NHSL1: variants seen among roughly 807,000 people sequenced by gnomAD.
The protein encoded by NHSL1 is NHS like 1.
A neutral mutation model predicts 95.0 loss-of-function variants in NHSL1; 48 were observed. That is an observed-to-expected ratio of 0.51 (90% CI 0.40 to 0.64). The LOEUF is 0.64. Ranked by LOEUF, NHSL1 falls within the 30% of genes least tolerant of loss-of-function variation. The pLI is 0.00. For missense variants in NHSL1, 1,971 were observed against 2,077.7 expected (o/e 0.95, Z 1.00); for synonymous variants, 783 against 833.9 (o/e 0.94, Z 1.05).
intron 1 of NHSL1, among the ~76,000 whole-genome samples, chr6:138,530,974 TA>T (rs975142715): frequency 1.8e-4 from 28 of 151,710 alleles, no homozygotes; most frequent in African/African-American, 6.1e-4. Context: ...AAATTTAAAA[TA>T]TTTTTTTTTT....
At chr6:138,517,739 C>T (rs540510402) in intron 1 of NHSL1, among the ~76,000 whole-genome samples, 3 of 152,346 alleles carry the variant, frequency 2.0e-5, no homozygotes, top group African/African-American at 7.2e-5. Context: ...TGAAACACTG[C>T]TGCTGTTGCC....
chr6:138,686,207 T>G (rs1394687886), intron 1 of NHSL1, among the ~76,000 whole-genome samples: 1 of 152,154 alleles, frequency 6.6e-6, no homozygotes, highest in African/African-American at 2.4e-5. Context: ...ATTAGCTTGA[T>G]TAACCCATGC....
At chr6:138,516,481 T>C (rs1232386118) in intron 1 of NHSL1, among the ~76,000 whole-genome samples, 1 of 152,164 alleles carries the variant, frequency 6.6e-6, no homozygotes, top group Non-Finnish European at 1.5e-5. Flanking sequence ...AAAGTGGGGT[T>C]TGTGGCAATG....
rs191087651 is a variant in NHSL1, at chr6:138,517,568, A to C, written c.17-21197T>G. ...GACAGCCAGTGCCTTGTTAAAGCAG[A>C]TATGAAAGCAATGTCTGAGCACTTA... On this transcript the variant is annotated intron_variant, in intron 1 of 4. Coordinates refer to the NHSL1 transcript ENST00000342260. 7.8e-4 allele frequency among the ~76,000 whole-genome samples: 119 copies of C among 152,328 alleles called. 1 individual carries two copies. The highest frequency in any genetic ancestry group is 2.7e-3 in the African/African-American group (113 of 41,576).
intron 1 of NHSL1, among the ~76,000 whole-genome samples, chr6:138,504,666 G>A (rs1050988964): frequency 8.5e-5 from 13 of 152,194 alleles, no homozygotes; most frequent in African/African-American, 2.9e-4. Context: ...GGTGGCAAGG[G>A]GGTCCCTGAT....
intron 1 of NHSL1, among the ~76,000 whole-genome samples, chr6:138,662,061 G>A (rs1422921335): frequency 2.0e-5 from 3 of 151,820 alleles, no homozygotes; most frequent in African/African-American, 7.3e-5. Context: ...ACAACAGACG[G>A]AGACCCATCT....
chr6:138,662,108 T>A (rs1302721680), intron 1 of NHSL1, among the ~76,000 whole-genome samples: 1 of 149,884 alleles, frequency 6.7e-6, no homozygotes, highest in South Asian at 2.1e-4. Context: ...TAATTTCAGC[T>A]AGAAACAGAT....
chr6:138,562,593 T>C (rs1783453802), intron 1 of NHSL1, among the ~76,000 whole-genome samples: 1 of 150,128 alleles, frequency 6.7e-6, no homozygotes, highest in Non-Finnish European at 1.5e-5. Context: ...ACCCTGGAGG[T>C]GGAGATTGCA....
intron 1 of NHSL1, among the ~76,000 whole-genome samples, chr6:138,666,960 AAT>A (rs1418364212): frequency 1.1e-4 from 16 of 152,234 alleles, no homozygotes; most frequent in African/African-American, 3.9e-4. Context: ...TAAATCCAAC[AAT>A]GTTTTTAGCA....
chr6:138,466,145 T>C (rs534744070), intron 3 of NHSL1, among the ~76,000 whole-genome samples: 13 of 151,306 alleles, frequency 8.6e-5, no homozygotes, highest in African/African-American at 2.4e-4. Flanking sequence ...GTTCACGCCA[T>C]CCTCCTGCCT....
chr6:138,446,915 A>G (rs1776898188), intron 4 of NHSL1, 86 bp downstream of exon 4: 3 of 1,216,952 alleles, frequency 2.5e-6, no homozygotes, highest in South Asian at 2.7e-5. Flanking sequence ...CCTTTGATGT[A>G]GCAATGAAAT....
chr6:138,608,541 G>C (rs1244168969), intron 1 of NHSL1, among the ~76,000 whole-genome samples: 1 of 152,120 alleles, frequency 6.6e-6, no homozygotes, highest in Non-Finnish European at 1.5e-5. Context: ...TAATACAGTA[G>C]GATCTGTAGC....
At chr6:138,660,143 A>G (rs1231417324) in intron 1 of NHSL1, among the ~76,000 whole-genome samples, 1 of 152,232 alleles carries the variant, frequency 6.6e-6, no homozygotes, top group Non-Finnish European at 1.5e-5. Context: ...CCAGTGGCTT[A>G]ACCTAGCAGT....
At chr6:138,578,155 C>T (rs1021993603) in intron 1 of NHSL1, among the ~76,000 whole-genome samples, 1 of 152,216 alleles carries the variant, frequency 6.6e-6, no homozygotes, top group South Asian at 2.1e-4. Context: ...GTGTTGTTCC[C>T]CTCAAAGGGA....
At chr6:138,687,103 T>TA in intron 1 of NHSL1, among the ~76,000 whole-genome samples, 1 of 152,124 alleles carries the variant, frequency 6.6e-6, no homozygotes, top group South Asian at 2.1e-4. Flanking sequence ...GCCAAACATT[T>TA]ATGAGTAGTC....
chr6:138,447,449 T>A (rs1324235133), intron 3 of NHSL1, among the ~76,000 whole-genome samples: 1 of 152,102 alleles, frequency 6.6e-6, no homozygotes, highest in African/African-American at 2.4e-5. Flanking sequence ...TTGAAGTCCT[T>A]TCTGCTTTCC....
chr6:138,672,738 G>C (rs147539886), intron 1 of NHSL1, among the ~76,000 whole-genome samples: 26 of 152,244 alleles, frequency 1.7e-4, no homozygotes, highest in African/African-American at 6.0e-4. Context: ...AAATGTTTCA[G>C]CTGGGCGCAG....
chr6:138,433,116 G>T lies in NHSL1; in HGVS notation c.1229C>A (p.Thr410Asn). The part of the protein sequence containing the change: ...CVVSPHATYS[T>N]SIIPNATLSS... ...CAGTGTGGCATTTGGGATGATGCTG[G>T]TGGAGTAGGTTGCATGAGGAGAAAC... The change falls in exon 6 of 8, where the codon ACC becomes AAC. Residue 410 changes from threonine to asparagine, a missense_variant. This residue lies in a region of NHSL1 where 1,602 missense variants were observed against 1,654.5 expected (regional missense o/e 0.97). Coordinates refer to ENST00000343505, the MANE Select transcript of NHSL1 (RefSeq NM_001144060.2). 6.4e-7 allele frequency: 1 copy of T among 1,550,864 alleles called. No individual in the cohort carries two copies. The highest frequency in any genetic ancestry group is 8.7e-7 in the Non-Finnish European group (1 of 1,146,874).
intron 1 of NHSL1, among the ~76,000 whole-genome samples, chr6:138,534,729 C>T (rs1782268786): frequency 6.6e-6 from 1 of 152,128 alleles, no homozygotes; most frequent in South Asian, 2.1e-4. Context: ...TCTGTGGCTG[C>T]ATTTAGTACA....
Sources: allele counts gnomAD v4.1 joint callset (sites outside exome capture counted in the v4.1 genomes callset), GRCh38; gene constraint gnomAD v4.1.1; regional missense constraint gnomAD v4.1.1; transcripts MANE v1.5; gene names NCBI Gene and HGNC (gene_info 2026-07-23, HGNC 2026-07-21).